RMND5A: variants seen among roughly 807,000 people sequenced by gnomAD.
RMND5A encodes the protein required for meiotic nuclear division 5 homolog A, also known as E3 ubiquitin-protein transferase RMND5A.
A neutral mutation model predicts 49.7 loss-of-function variants in RMND5A; 17 were observed. That is an observed-to-expected ratio of 0.34 (90% confidence interval 0.23 to 0.51). RMND5A has a LOEUF of 0.51. RMND5A is among the 20% of genes least tolerant of loss of function. The pLI is 0.96. For missense variants in RMND5A, 255 were observed against 471.3 expected, an observed-to-expected ratio of 0.54 and a Z score of 4.25; for synonymous variants, 156 against 167.7, an observed-to-expected ratio of 0.93 and a Z score of 0.54.
chr2:86,760,894 A>G (rs1236064710), intron 4 of RMND5A, among the ~76,000 whole-genome samples: 1 of 152,068 alleles, frequency 6.6e-6, no homozygotes. Context: ...TTTCACTTAT[A>G]TTGCACTAGA....
intron 5 of RMND5A, 89 bp downstream of exon 5, chr2:86,765,282 G>A (rs1558726281): frequency 8.7e-7 from 1 of 1,146,166 alleles, no homozygotes; most frequent in South Asian, 1.6e-5. Flanking sequence ...GCTAATACCT[G>A]TTTGCCAGTA....
chr2:86,767,425 C>CTTTTTT (rs11468234), intron 6 of RMND5A, among the ~76,000 whole-genome samples: 1 of 139,518 alleles, frequency 7.2e-6, no homozygotes, highest in African/African-American at 2.7e-5. Flanking sequence ...TTTTGGCAGT[C>CTTTTTT]TTTTTTTTTT....
At chr2:86,764,973 A>G in intron 4 of RMND5A, 54 bp from the exon 5 acceptor site, 1 of 1,527,518 alleles carries the variant, frequency 6.5e-7, no homozygotes, top group Non-Finnish European at 8.8e-7. Flanking sequence ...AATAGTTTTT[A>G]AGACACCTTG....
At chr2:86,744,165 T>C (rs528306684) in intron 2 of RMND5A, among the ~76,000 whole-genome samples, 1 of 152,090 alleles carries the variant, frequency 6.6e-6, no homozygotes, top group Non-Finnish European at 1.5e-5. Context: ...GAGGAAGCTG[T>C]TTCCCCAATA....
At chr2:86,758,218 C>T (rs761685512) in intron 4 of RMND5A, among the ~76,000 whole-genome samples, 2 of 152,218 alleles carry the variant, frequency 1.3e-5, no homozygotes, top group African/African-American at 2.4e-5. Context: ...CTTCTAATCA[C>T]AGTTACTCTC....
intron 4 of RMND5A, among the ~76,000 whole-genome samples, chr2:86,756,948 C>T (rs1272751799): frequency 2.0e-5 from 3 of 151,880 alleles, no homozygotes; most frequent in Admixed American, 6.6e-5. Flanking sequence ...CCAAGGCGGG[C>T]GAATCATCTG....
chr2:86,751,719 C>T (rs1485852887), intron 2 of RMND5A, among the ~76,000 whole-genome samples, 177 bp from the exon 3 acceptor site: 1 of 152,186 alleles, frequency 6.6e-6, no homozygotes, highest in Non-Finnish European at 1.5e-5. Flanking sequence ...CCTATTTACT[C>T]TTCTAGCATG....
At position 86,777,896 on chromosome 2, in the gene RMND5A, TATTTA is replaced by T; in HGVS notation, c.*4491_*4495del. ...CATTTTAACTTTAAGAATTCTGATATATTTAATTTATAAATTTCGGACTGATATAA... is the reference window on the plus strand; with the variant it reads ...CATTTTAACTTTAAGAATTCTGATATATTTATAAATTTCGGACTGATATAA... On this transcript the variant is annotated 3_prime_UTR_variant, in exon 9 of 9. Coordinates refer to ENST00000283632, the MANE Select transcript of RMND5A (RefSeq NM_022780.4). The T allele has an allele frequency of 6.6e-6, 1 of 152,246 alleles. No individual in the cohort carries two copies. The highest frequency in any genetic ancestry group is 1.5e-5 in the Non-Finnish European group (1 of 68,046). The allele number at this position is 152,246 out of a possible 1,614,324, so 9.4% of individuals were successfully genotyped here.
intron 6 of RMND5A, among the ~76,000 whole-genome samples, chr2:86,767,425 C>CTTTTTTTTTTTTTT (rs11468234): frequency 1.4e-5 from 2 of 139,522 alleles, no homozygotes; most frequent in African/African-American, 2.7e-5. Flanking sequence ...TTTTGGCAGT[C>CTTTTTTTTTTTTTT]TTTTTTTTTT....
At position 86,737,574 on chromosome 2, in the gene RMND5A, CATATATATAT is replaced by C. The variant is rs70958904; in HGVS notation, c.143-3342_143-3333del. Among the ~76,000 whole-genome samples the C allele has an allele frequency of 1.4e-4, 15 of 108,142 alleles. 3 individuals are homozygous for C. Among genetic ancestry groups the C allele is most frequent in the African/African-American group, 7.3e-4 (15 of 20,688 alleles). The allele number at this position is 108,142 out of a possible 152,430, so 70.9% of individuals were successfully genotyped here. A position where few individuals can be genotyped will look rare whatever the true frequency, so the allele number is the denominator to read the frequency against. On this transcript the variant is annotated intron_variant, in intron 1 of 8. Coordinates refer to ENST00000283632, the MANE Select transcript of RMND5A (RefSeq NM_022780.4). The stretch of plus-strand genomic sequence containing the variant: ...TCATATAGTCCCATGCATTAAGTAT[CATATATATAT>C]ATATATATATGTCAGTGACTCACAA...
chr2:86,750,586 TTTC>T (rs1681617176), intron 2 of RMND5A, among the ~76,000 whole-genome samples: 1 of 152,200 alleles, frequency 6.6e-6, no homozygotes, highest in Non-Finnish European at 1.5e-5. Context: ...TTGGGTCAGA[TTTC>T]TTTGAATTTG....
chr2:86,767,142 C>G (rs1672612219), intron 6 of RMND5A, among the ~76,000 whole-genome samples: 1 of 152,160 alleles, frequency 6.6e-6, no homozygotes, highest in Admixed American at 6.6e-5. Context: ...CAGCTCACTG[C>G]AGCCTCCACC....
In RMND5A at chr2:86,773,479, C is replaced by A; in HGVS notation, c.*68C>A. The A allele has an allele frequency of 2.0e-6, 2 of 1,007,596 alleles. No individual in the cohort carries two copies. Among genetic ancestry groups the A allele is most frequent in the Non-Finnish European group, 3.1e-6 (2 of 636,126 alleles). 62.4% of individuals were successfully genotyped at this position (1,007,596 alleles called of 1,614,324 possible). ...TGGGTGCATTTCAGAAGAGAACGTT[C>A]CATATAATGCAGCTAACCAAGGACT... On this transcript the variant is annotated 3_prime_UTR_variant, in exon 9 of 9. Coordinates refer to ENST00000283632, the MANE Select transcript of RMND5A (RefSeq NM_022780.4).
At chr2:86,747,797 A>G (rs908382289) in intron 2 of RMND5A, among the ~76,000 whole-genome samples, 2 of 152,182 alleles carry the variant, frequency 1.3e-5, no homozygotes. Context: ...TTGTGTATTC[A>G]TGATACGGCA....
At chr2:86,755,381 C>G (rs13004867) in intron 4 of RMND5A, among the ~76,000 whole-genome samples, 19,457 of 152,214 alleles carry the variant, frequency 0.13, 1,319 homozygotes, top group Non-Finnish European at 0.15. Context: ...GTCAGCTGCC[C>G]GAAGTACTGG....
rs116773917 is a variant in RMND5A, at chr2:86,762,149, A to G, written c.522-2878A>G. ...GAAAACCTGGAAAATATAGGACAGC[A>G]TAGACTGTTACAGAAATCACTGTAA... On this transcript the variant is annotated intron_variant, in intron 4 of 8. Transcript: ENST00000283632. 7.7e-3 allele frequency among the ~76,000 whole-genome samples: 1,172 copies of G among 152,334 alleles called. 22 individuals carry two copies. The highest frequency in any genetic ancestry group is 0.026 in the African/African-American group (1,097 of 41,580).
intron 4 of RMND5A, among the ~76,000 whole-genome samples, chr2:86,764,670 G>A (rs1340113798): frequency 1.3e-5 from 2 of 152,108 alleles, no homozygotes; most frequent in African/African-American, 4.8e-5. Context: ...GTATATATTA[G>A]GCCAGTTTTG....
rs750906575 is a variant in RMND5A at position 86,765,111 on chromosome 2, G to A, written c.606G>A (p.Leu202=). 8 of 1,613,958 alleles carry A rather than the reference G, an allele frequency of 5.0e-6. No individual in the cohort carries two copies. The East Asian group carries it at 1.6e-4, about 31-fold the overall frequency. The change falls in exon 5 of 9, where the codon TTG becomes TTA. Residue 202 remains leucine (L), a synonymous_variant. Coordinates refer to ENST00000283632, the MANE Select transcript of RMND5A (RefSeq NM_022780.4). ...TACACAGACTGTATTTTATTAGCTTGTTAATGGGTGGAACCACAAATCAGC... is the reference window on the plus strand; with the variant it reads ...TACACAGACTGTATTTTATTAGCTTATTAATGGGTGGAACCACAAATCAGC... ...FKLHRLYFIS[L]LMGGTTNQRE... is the part of the protein sequence containing the mutation.
rs1681188025 is a variant in RMND5A at position 86,720,676 on chromosome 2, G to C, written c.9G>C (p.Gln3His). 6.4e-7 allele frequency: 1 copy of C among 1,563,172 alleles called. No individual in the cohort carries two copies. The highest frequency in any genetic ancestry group is 8.6e-7 in the Non-Finnish European group (1 of 1,157,458). ...GCGCCGCCGCCTCCGGCATGGATCA[G>C]TGCGTGACGGTGGAGCGCGAGCTGG... MDQCVTVERELEK... is the reference protein window; with the variant it reads MDHCVTVERELEK... Residue 3 changes from glutamine (Q) to histidine (H), a missense_variant, in exon 1 of 9, where the codon CAG becomes CAC. Coordinates refer to ENST00000283632, the MANE Select transcript of RMND5A (RefSeq NM_022780.4).
Sources: allele counts gnomAD v4.1 joint callset (sites outside exome capture counted in the v4.1 genomes callset), GRCh38; gene constraint gnomAD v4.1.1; transcripts MANE v1.5; gene names NCBI Gene and HGNC (gene_info 2026-07-23, HGNC 2026-07-21).